Variants in PRR5 observed in about 807,000 individuals in gnomAD.
PRR5 encodes the protein proline-rich protein 5.
PRR5 carries 25 observed loss-of-function variants against 30.6 expected under a neutral mutation model. That is an observed-to-expected ratio of 0.82 (90% CI 0.60 to 1.14). The LOEUF is 1.14. PRR5 is among the 50% of genes most tolerant of loss of function. The pLI, the probability that PRR5 is intolerant of heterozygous loss-of-function variation, is 0.00. For missense variants in PRR5, 600 were observed against 547.1 expected (o/e 1.10, Z -0.96); for synonymous variants, 286 against 247.1 (o/e 1.16, Z -1.48).
chr22:44,735,608 G>A (rs1372449598), intron 7 of PRR5, among the ~76,000 whole-genome samples: 1 of 152,204 alleles, frequency 6.6e-6, no homozygotes, highest in Non-Finnish European at 1.5e-5. Context: ...AGCTGGCCAC[G>A]TTGCTCCCTT....
chr22:44,688,401 C>A (rs1924948274), intron 1 of PRR5, among the ~76,000 whole-genome samples: 1 of 152,060 alleles, frequency 6.6e-6, no homozygotes, highest in Non-Finnish European at 1.5e-5. Flanking sequence ...AAAAATATTT[C>A]CTGCAATGTT....
chr22:44,703,026 G>T (rs1045421606), intron 1 of PRR5, among the ~76,000 whole-genome samples: 9 of 152,320 alleles, frequency 5.9e-5, no homozygotes, highest in Non-Finnish European at 8.8e-5. Flanking sequence ...TGGGTGGGTC[G>T]CGCAGGCTTC....
chr22:44,734,594 C>A (rs1462580214), intron 6 of PRR5: 3 of 164,150 alleles, frequency 1.8e-5, no homozygotes, highest in Admixed American at 6.2e-5. Context: ...GAGGTGGTCC[C>A]TGATGGATGT....
At chr22:44,719,352 C>T (rs1385765547) in intron 2 of PRR5, among the ~76,000 whole-genome samples, 2 of 152,096 alleles carry the variant, frequency 1.3e-5, no homozygotes, top group East Asian at 1.9e-4. Context: ...GGATTATAGG[C>T]GTGAGCCGCT....
chr22:44,712,333 G>T (rs998032078), intron 1 of PRR5, among the ~76,000 whole-genome samples: 6 of 152,196 alleles, frequency 3.9e-5, no homozygotes, highest in Non-Finnish European at 7.3e-5. Flanking sequence ...TCAGCCTGTG[G>T]CCGGGCCAGG....
intron 1 of PRR5, among the ~76,000 whole-genome samples, chr22:44,683,532 G>A (rs1229260592): frequency 6.6e-6 from 1 of 152,252 alleles, no homozygotes; most frequent in African/African-American, 2.4e-5. Context: ...GGGCCAGGTG[G>A]CTGGGCAAAG....
At chr22:44,730,548 C>T (rs1921759364) in intron 4 of PRR5, 24 of 988,650 alleles carry the variant, frequency 2.4e-5, no homozygotes, top group Non-Finnish European at 2.9e-5. Context: ...CCGTTCCTCT[C>T]AAGGCCAGCA....
chr22:44,728,731 G>T (rs1921329580), intron 4 of PRR5, among the ~76,000 whole-genome samples: 1 of 152,198 alleles, frequency 6.6e-6, no homozygotes, highest in South Asian at 2.1e-4. Context: ...TCCACTGGGA[G>T]CTCTTCACTT....
intron 2 of PRR5, among the ~76,000 whole-genome samples, chr22:44,723,523 C>G (rs534943173): frequency 2.6e-5 from 4 of 152,028 alleles, no homozygotes; most frequent in African/African-American, 9.6e-5. Flanking sequence ...AGTTTGAGAC[C>G]AGCCTGGCCA....
chr22:44,702,414 G>A lies in PRR5; in HGVS notation c.-61G>A. 4 of 1,240,006 alleles carry A rather than the reference G, an allele frequency of 3.2e-6. No homozygotes were observed. The highest frequency in any genetic ancestry group is 4.0e-6 in the Non-Finnish European group (4 of 990,446). The allele number at this position is 1,240,006 out of a possible 1,614,324, so 76.8% of individuals were successfully genotyped here. A position where few individuals can be genotyped will look rare whatever the true frequency, so the allele number is the denominator to read the frequency against. On this transcript the variant is annotated 5_prime_UTR_variant, in exon 1 of 8. Coordinates refer to ENST00000336985, the MANE Select transcript of PRR5 (RefSeq NM_181333.4). ...ATCGCCGGCCCGGGGCCCTTGGTGC[G>A]GCGTGGCGCAGGGCGCGGCGTGGGG...
intron 4 of PRR5, chr22:44,729,859 C>T: frequency 1.0e-6 from 1 of 985,486 alleles, no homozygotes; most frequent in Non-Finnish European, 1.2e-6. Flanking sequence ...GTGCCCAGAG[C>T]CACCCCCCGG....
chr22:44,671,484 G>T (rs1923424437), intron 1 of PRR5, among the ~76,000 whole-genome samples: 1 of 152,148 alleles, frequency 6.6e-6, no homozygotes, highest in Non-Finnish European at 1.5e-5. Flanking sequence ...TCGGAGAGCA[G>T]CCCTGGTGCT....
At chr22:44,729,939 G>T (rs1921633344) in intron 4 of PRR5, 1 of 985,356 alleles carries the variant, frequency 1.0e-6, no homozygotes. Flanking sequence ...TTGTGTGTGG[G>T]CACAGTTCGG....
At chr22:44,712,398 G>A (rs1367625339) in intron 1 of PRR5, among the ~76,000 whole-genome samples, 2 of 152,186 alleles carry the variant, frequency 1.3e-5, no homozygotes, top group Non-Finnish European at 2.9e-5. Flanking sequence ...GAGCCTCCTC[G>A]AAGCATGTGG....
chr22:44,669,434 G>A (rs1923294702), intron 1 of PRR5, among the ~76,000 whole-genome samples: 1 of 152,178 alleles, frequency 6.6e-6, no homozygotes, highest in Non-Finnish European at 1.5e-5. Flanking sequence ...GCAGACCCCG[G>A]GACAGAGACT....
chr22:44,709,346 G>C (rs1032008714), intron 1 of PRR5, among the ~76,000 whole-genome samples: 4 of 152,188 alleles, frequency 2.6e-5, no homozygotes, highest in Admixed American at 2.6e-4. Flanking sequence ...TGAGGGAGAG[G>C]CGGGGGTAAA....
intron 7 of PRR5, among the ~76,000 whole-genome samples, chr22:44,735,934 C>T (rs978798758): frequency 3.9e-5 from 6 of 152,206 alleles, no homozygotes; most frequent in Non-Finnish European, 8.8e-5. Flanking sequence ...TTGGTGTAGC[C>T]CTGGATGGCA....
Position 44,725,241 on chromosome 22 carries a change from C to A in PRR5, c.216-3C>A. 6.2e-7 allele frequency: 1 copy of A among 1,613,940 alleles called. No homozygotes were observed. Among genetic ancestry groups the A allele is most frequent in the Non-Finnish European group, 8.5e-7 (1 of 1,179,972 alleles). On this transcript the variant is annotated splice_region_variant and splice_polypyrimidine_tract_variant and intron_variant, in intron 2 of 7. Transcript: ENST00000336985. ...TCACTCTTGTCTCACCTCCCACCCA[C>A]AGGCAGCTGTTGAAGACAGAGCTGG...
intron 2 of PRR5, among the ~76,000 whole-genome samples, chr22:44,718,407 C>T (rs993173906): frequency 5.9e-5 from 9 of 151,994 alleles, no homozygotes; most frequent in African/African-American, 2.2e-4. Context: ...GTTGGCCAGG[C>T]TGGCCTTGAA....
Sources: allele counts gnomAD v4.1 joint callset (sites outside exome capture counted in the v4.1 genomes callset), GRCh38; gene constraint gnomAD v4.1.1; transcripts MANE v1.5; gene names NCBI Gene and HGNC (gene_info 2026-07-23, HGNC 2026-07-21).